LOC400499: variants seen among roughly 807,000 people sequenced by gnomAD.
chr16:11,498,159 A>G, the LOC400499 span, among the ~76,000 whole-genome samples: 4 of 152,166 alleles, frequency 2.6e-5, no homozygotes, highest in African/African-American at 9.7e-5. Flanking sequence ...CACTTCACCA[A>G]CATGAAGAAC....
At chr16:11,512,990 A>T in the LOC400499 span, among the ~76,000 whole-genome samples, 1 of 152,214 alleles carries the variant, frequency 6.6e-6, no homozygotes, top group African/African-American at 2.4e-5. Context: ...CGCTATTACC[A>T]GCCAGAGCTG....
the LOC400499 span, chr16:11,413,038 T>C: frequency 2.5e-6 from 1 of 398,022 alleles, no homozygotes; most frequent in Non-Finnish European, 4.4e-6. Context: ...AGCCGAGCTC[T>C]ATAGCCCAGC....
chr16:11,464,645 G>C, the LOC400499 span, among the ~76,000 whole-genome samples: 1 of 152,112 alleles, frequency 6.6e-6, no homozygotes, highest in Non-Finnish European at 1.5e-5. Flanking sequence ...ATCTTGTATT[G>C]GGTTACAGAG....
chr16:11,428,139 C>T, the LOC400499 span, among the ~76,000 whole-genome samples: 65 of 152,240 alleles, frequency 4.3e-4, no homozygotes, highest in African/African-American at 1.5e-3. Flanking sequence ...TGATTATATG[C>T]TAAACTAGGG....
At chr16:11,513,736 T>A in the LOC400499 span, among the ~76,000 whole-genome samples, 1 of 152,254 alleles carries the variant, frequency 6.6e-6, no homozygotes, top group Non-Finnish European at 1.5e-5. Flanking sequence ...TGGCCAAAAT[T>A]TTTATTTAAA....
chr16:11,422,343 T>G, the LOC400499 span, among the ~76,000 whole-genome samples: 2 of 151,946 alleles, frequency 1.3e-5, no homozygotes. Flanking sequence ...GAGGTTGCAG[T>G]GAGCTGAGGT....
chr16:11,430,505 A>G, the LOC400499 span, among the ~76,000 whole-genome samples: 49 of 152,234 alleles, frequency 3.2e-4, no homozygotes, highest in South Asian at 8.5e-3. Flanking sequence ...AAGAAAACGA[A>G]AAAAAAGAAT....
chr16:11,501,197 A>G, the LOC400499 span, among the ~76,000 whole-genome samples: 1 of 151,782 alleles, frequency 6.6e-6, no homozygotes, highest in South Asian at 2.1e-4. Context: ...CCCAAGAAAC[A>G]CTGGTGTGGG....
the LOC400499 span, among the ~76,000 whole-genome samples, chr16:11,419,205 C>T: frequency 6.6e-6 from 1 of 151,854 alleles, no homozygotes; most frequent in Admixed American, 6.6e-5. Flanking sequence ...AAATATACTA[C>T]AAGGCTACAG....
chr16:11,511,155 C>G, the LOC400499 span, among the ~76,000 whole-genome samples: 1 of 146,236 alleles, frequency 6.8e-6, no homozygotes, highest in Non-Finnish European at 1.5e-5. Flanking sequence ...CACCACCATG[C>G]CTGGCTAATT....
At chr16:11,502,479 C>G in the LOC400499 span, among the ~76,000 whole-genome samples, 1 of 152,182 alleles carries the variant, frequency 6.6e-6, no homozygotes, top group African/African-American at 2.4e-5. Context: ...AAAGAACAGG[C>G]ATAGTGTCTG....
the LOC400499 span, among the ~76,000 whole-genome samples, chr16:11,504,424 T>G: frequency 6.6e-6 from 1 of 151,766 alleles, no homozygotes; most frequent in South Asian, 2.1e-4. Context: ...GGCGTGGTGT[T>G]GCATGCTTGC....
At chr16:11,446,739 C>A in the LOC400499 span, 3 of 1,535,458 alleles carry the variant, frequency 2.0e-6, no homozygotes, top group South Asian at 3.6e-5. Flanking sequence ...ATGCCCCAGA[C>A]ACACTCACGT....
chr16:11,483,347 C>A, the LOC400499 span, among the ~76,000 whole-genome samples: 1 of 152,258 alleles, frequency 6.6e-6, no homozygotes, highest in South Asian at 2.1e-4. Flanking sequence ...AAAACTTGTA[C>A]ACAAATATTC....
At chr16:11,484,099 C>A in the LOC400499 span, among the ~76,000 whole-genome samples, 267 of 147,996 alleles carry the variant, frequency 1.8e-3, no homozygotes, top group African/African-American at 6.4e-3. Flanking sequence ...GCTCCGCCTC[C>A]CGAGTTCACA....
the LOC400499 span, among the ~76,000 whole-genome samples, chr16:11,484,201 G>A: frequency 6.6e-6 from 1 of 151,734 alleles, no homozygotes; most frequent in Non-Finnish European, 1.5e-5. Context: ...TAGAGACAGG[G>A]TTTCACCATG....
chr16:11,373,638 G>A, the LOC400499 span, among the ~76,000 whole-genome samples: 2 of 151,212 alleles, frequency 1.3e-5, no homozygotes, highest in Non-Finnish European at 2.9e-5. Flanking sequence ...TATATTTTTT[G>A]AGATGGAGTC....
the LOC400499 span, among the ~76,000 whole-genome samples, chr16:11,513,548 A>G: frequency 1.3e-5 from 2 of 152,016 alleles, no homozygotes; most frequent in Admixed American, 6.6e-5. Context: ...CTCCGGCTTC[A>G]GCCTCCCGAG....
chr16:11,508,785 G>C, the LOC400499 span: 6 of 398,972 alleles, frequency 1.5e-5, no homozygotes, highest in African/African-American at 1.2e-4. Context: ...CCATGGCCTG[G>C]GATGGTGTCT....
Sources: gnomAD v4.1 joint callset for allele counts (sites outside exome capture counted in the v4.1 genomes callset) on GRCh38, gnomAD v4.1.1 for gene constraint, MANE v1.5 for transcripts.